EXOC6B: variants seen among roughly 807,000 people sequenced by gnomAD.
EXOC6B encodes the protein SEC15 homolog B.
In EXOC6B, 54 loss-of-function variants were observed where a neutral mutation model predicts 113.5. The observed-to-expected ratio is 0.48, with a 90% CI of 0.38 to 0.60. The LOEUF is 0.60. Ranked by LOEUF, EXOC6B falls within the 20% of genes least tolerant of loss-of-function variation. The pLI is 0.00. For synonymous variants in EXOC6B, 357 were observed against 339.0 expected, an observed-to-expected ratio of 1.05 and a Z score of -0.58; for missense variants, 797 against 977.5, an observed-to-expected ratio of 0.82 and a Z score of 2.46.
At chr2:72,316,453 G>T (rs2104810510) in intron 20 of EXOC6B, among the ~76,000 whole-genome samples, 2 of 152,226 alleles carry the variant, frequency 1.3e-5, no homozygotes, top group Middle Eastern at 6.8e-3. Flanking sequence ...ATTTGGTTTT[G>T]CCTTTTCCAG....
chr2:72,555,266 T>C (rs1368601579), intron 8 of EXOC6B, among the ~76,000 whole-genome samples: 6 of 152,236 alleles, frequency 3.9e-5, no homozygotes, highest in Non-Finnish European at 7.3e-5. Context: ...TTTGGGTATA[T>C]ACCCAGTAAT....
intron 1 of EXOC6B, among the ~76,000 whole-genome samples, chr2:72,787,842 T>C (rs1432500302): frequency 6.6e-6 from 1 of 152,178 alleles, no homozygotes; most frequent in African/African-American, 2.4e-5. Flanking sequence ...TTCACCATGT[T>C]GCCCAGGCCA....
intron 6 of EXOC6B, among the ~76,000 whole-genome samples, chr2:72,579,592 T>C (rs967708695): frequency 6.6e-5 from 10 of 152,166 alleles, no homozygotes; most frequent in African/African-American, 2.4e-4. Context: ...GTCAAACTAA[T>C]TCACTATTAA....
intron 18 of EXOC6B, among the ~76,000 whole-genome samples, chr2:72,458,840 T>G (rs1697425029): frequency 6.6e-6 from 1 of 152,022 alleles, no homozygotes; most frequent in Non-Finnish European, 1.5e-5. Context: ...CAAAGTGTGG[T>G]GCTGAAATAT....
At chr2:72,687,179 C>G (rs1441282601) in intron 6 of EXOC6B, among the ~76,000 whole-genome samples, 3 of 151,374 alleles carry the variant, frequency 2.0e-5, no homozygotes, top group Non-Finnish European at 4.4e-5. Flanking sequence ...AACTTCCCAA[C>G]TTTCATTCTT....
chr2:72,460,669 C>T (rs534507767), intron 18 of EXOC6B, among the ~76,000 whole-genome samples: 2 of 152,284 alleles, frequency 1.3e-5, no homozygotes, highest in South Asian at 4.1e-4. Context: ...TACCATCTCA[C>T]ACCAGTTAGA....
intron 20 of EXOC6B, among the ~76,000 whole-genome samples, chr2:72,206,168 G>A (rs895537831): frequency 6.6e-6 from 1 of 152,178 alleles, no homozygotes; most frequent in Non-Finnish European, 1.5e-5. Context: ...CTATTTTACC[G>A]ATAAGGTAAT....
intron 21 of EXOC6B, among the ~76,000 whole-genome samples, chr2:72,180,928 G>A (rs1476546991): frequency 6.6e-6 from 1 of 152,048 alleles, no homozygotes; most frequent in Non-Finnish European, 1.5e-5. Flanking sequence ...GAATTCTTTC[G>A]GCTGGGCGCG....
intron 8 of EXOC6B, among the ~76,000 whole-genome samples, chr2:72,520,184 TACA>T (rs1701414331): frequency 6.6e-6 from 1 of 152,204 alleles, no homozygotes; most frequent in African/African-American, 2.4e-5. Flanking sequence ...TCCCAACTCC[TACA>T]ACAATGCCAG....
At chr2:72,234,152 T>C (rs1302381075) in intron 20 of EXOC6B, among the ~76,000 whole-genome samples, 1 of 147,172 alleles carries the variant, frequency 6.8e-6, no homozygotes, top group Non-Finnish European at 1.5e-5. Flanking sequence ...AGTGGTGCAA[T>C]CTCAGCTCAC....
chr2:72,269,467 T>C (rs1684341730), intron 20 of EXOC6B, among the ~76,000 whole-genome samples: 1 of 152,344 alleles, frequency 6.6e-6, no homozygotes, highest in African/African-American at 2.4e-5. Context: ...CATTCAGCTA[T>C]ACTGGTTCCA....
chr2:72,295,028 C>T lies in EXOC6B; in HGVS notation c.2196+39919G>A, dbSNP rs554563250. Among the ~76,000 whole-genome samples the T allele has an allele frequency of 1.6e-4, 25 of 151,904 alleles. No individual in the cohort carries two copies. In the South Asian group the frequency reaches 4.6e-3, roughly 28 times the overall value. Reference sequence around the variant, plus strand: ...CCAGTGGATCACGTGGTCAGGAAATCGAGACCGTCCTGGCCAACATGGTGA... The same window carrying T: ...CCAGTGGATCACGTGGTCAGGAAATTGAGACCGTCCTGGCCAACATGGTGA... On this transcript the variant is annotated intron_variant, in intron 20 of 21. Transcript: ENST00000272427.
intron 18 of EXOC6B, among the ~76,000 whole-genome samples, chr2:72,423,378 C>A (rs1695022837): frequency 6.6e-6 from 1 of 152,112 alleles, no homozygotes; most frequent in Non-Finnish European, 1.5e-5. Flanking sequence ...AAGAACCCAC[C>A]AATTCTGGAC....
At chr2:72,615,263 A>G (rs570379009) in intron 6 of EXOC6B, among the ~76,000 whole-genome samples, 15 of 152,240 alleles carry the variant, frequency 9.9e-5, no homozygotes, top group Non-Finnish European at 1.9e-4. Context: ...ACTATTATAT[A>G]AATAATTTTA....
chr2:72,789,172 A>G (rs1241099140), intron 1 of EXOC6B, among the ~76,000 whole-genome samples: 1 of 152,222 alleles, frequency 6.6e-6, no homozygotes, highest in Non-Finnish European at 1.5e-5. Context: ...CAAGTTCTGT[A>G]CTTAGCACTA....
intron 19 of EXOC6B, among the ~76,000 whole-genome samples, chr2:72,354,780 A>G (rs1689874804): frequency 6.6e-6 from 1 of 152,222 alleles, no homozygotes; most frequent in South Asian, 2.1e-4. Context: ...CATAGCTAAG[A>G]AAGGCATATC....
At chr2:72,655,765 T>G (rs535471521) in intron 6 of EXOC6B, among the ~76,000 whole-genome samples, 57 of 152,244 alleles carry the variant, frequency 3.7e-4, no homozygotes, top group Non-Finnish European at 4.7e-4. Context: ...GCACTTTTAG[T>G]AGAAAATGCT....
At chr2:72,472,622 T>C (rs1172027579) in intron 17 of EXOC6B, among the ~76,000 whole-genome samples, 1 of 152,100 alleles carries the variant, frequency 6.6e-6, no homozygotes, top group Non-Finnish European at 1.5e-5. Flanking sequence ...TAGTGGTTGT[T>C]ATCAATTTTA....
At chr2:72,374,354 C>CA (rs201323821) in intron 19 of EXOC6B, among the ~76,000 whole-genome samples, 2 of 151,818 alleles carry the variant, frequency 1.3e-5, no homozygotes, top group East Asian at 1.9e-4. Context: ...TATTCAGCCA[C>CA]AAAAAAAGAA....
Sources: allele counts gnomAD v4.1 joint callset (sites outside exome capture counted in the v4.1 genomes callset), GRCh38; gene constraint gnomAD v4.1.1; transcripts MANE v1.5; gene names NCBI Gene and HGNC (gene_info 2026-07-23, HGNC 2026-07-21).